Variants in UBR3 observed in about 807,000 individuals in gnomAD.
UBR3 encodes E3 ubiquitin-protein ligase UBR3.
A neutral mutation model predicts 243.2 loss-of-function variants in UBR3; 85 were observed. The observed-to-expected ratio is 0.35, with a 90% CI of 0.29 to 0.42. UBR3 has a LOEUF of 0.42. Ranked by LOEUF, UBR3 falls within the 10% of genes least tolerant of loss-of-function variation. The pLI, the probability that UBR3 is intolerant of heterozygous loss-of-function variation, is 1.00. For missense variants in UBR3, 1,686 were observed against 2,300.8 expected, an observed-to-expected ratio of 0.73 and a Z score of 5.47; for synonymous variants, 748 against 799.8, an observed-to-expected ratio of 0.94 and a Z score of 1.09.
chr2:170,059,869 A>G (rs1471645330), intron 33 of UBR3, among the ~76,000 whole-genome samples: 1 of 152,224 alleles, frequency 6.6e-6, no homozygotes, highest in Admixed American at 6.5e-5. Flanking sequence ...CAGTATTACC[A>G]AAATAAATTT....
At chr2:170,065,382 G>C (rs1187719706) in intron 35 of UBR3, among the ~76,000 whole-genome samples, 1 of 152,006 alleles carries the variant, frequency 6.6e-6, no homozygotes, top group African/African-American at 2.4e-5. Flanking sequence ...CACCTCCTGG[G>C]TTCAAGCAAT....
At chr2:169,918,979 G>A (rs1046968905) in intron 11 of UBR3, among the ~76,000 whole-genome samples, 4 of 152,260 alleles carry the variant, frequency 2.6e-5, no homozygotes, top group South Asian at 4.2e-4. Flanking sequence ...ATAAAAGGGA[G>A]CACCTGATTT....
At position 170,061,086 on chromosome 2, in the gene UBR3, G is replaced by A. The variant is rs1031267220; in HGVS notation, c.4793G>A (p.Cys1598Tyr). The A allele has an allele frequency of 1.3e-6, 2 of 1,566,664 alleles. No homozygotes were observed. The highest frequency in any genetic ancestry group is 2.8e-5 in the African/African-American group (2 of 72,126). ...KHAGALKKST[C>Y]DAEKSYEVLL... ...ATATTTTAATTTTTTCAGAGTACAT[G>A]TGATGCAGAAAAGTCTTACGAAGTA... Residue 1598 changes from cysteine (C) to tyrosine (Y), a missense_variant, in exon 34 of 39, where the codon TGT becomes TAT. Around this residue, in one of 8 missense-constraint regions of UBR3, gnomAD observed 371 missense variants for 422.5 expected, o/e 0.88. Transcript: ENST00000272793.
At chr2:170,014,265 C>T (rs1044569657) in intron 29 of UBR3, 1 of 153,844 alleles carries the variant, frequency 6.5e-6, no homozygotes, top group Non-Finnish European at 1.4e-5. Flanking sequence ...TCAGCCAAAT[C>T]AGTGCAAAAT....
chr2:169,848,401 G>A (rs2082555205), intron 1 of UBR3, among the ~76,000 whole-genome samples: 1 of 150,912 alleles, frequency 6.6e-6, no homozygotes, highest in African/African-American at 2.4e-5. Flanking sequence ...AGAAAAAGTG[G>A]TATTGCCTGG....
chr2:169,946,043 T>A (rs1345866386), intron 20 of UBR3, among the ~76,000 whole-genome samples: 2 of 141,370 alleles, frequency 1.4e-5, no homozygotes, highest in Non-Finnish European at 3.3e-5. Flanking sequence ...GATGGCCTTG[T>A]CATCAAGAGA....
intron 20 of UBR3, among the ~76,000 whole-genome samples, chr2:169,943,328 C>T (rs1010718117): frequency 2.6e-5 from 4 of 152,082 alleles, no homozygotes; most frequent in Admixed American, 2.0e-4. Context: ...GAAGGCTGGG[C>T]GCGGTGGCTC....
chr2:169,900,892 G>A (rs68017697), intron 8 of UBR3, among the ~76,000 whole-genome samples: 20,481 of 152,024 alleles, frequency 0.13, 1,948 homozygotes, highest in East Asian at 0.37. Flanking sequence ...TCCCAGAATA[G>A]CCTTAAGTTA....
chr2:169,906,221 A>G, intron 10 of UBR3, 57 bp downstream of exon 10: 1 of 1,500,224 alleles, frequency 6.7e-7, no homozygotes, highest in Non-Finnish European at 8.9e-7. Flanking sequence ...TTGTGAAAAT[A>G]TTGGTTTGTT....
chr2:169,914,872 G>GTGTT (rs1223231649), intron 11 of UBR3, among the ~76,000 whole-genome samples: 21 of 56,602 alleles, frequency 3.7e-4, no homozygotes, highest in African/African-American at 7.8e-4. Context: ...GTGTGTGTGT[G>GTGTT]TTTTTTTTCC....
intron 24 of UBR3, 56 bp from the exon 25 acceptor site, chr2:169,986,589 A>C (rs990097281): frequency 4.6e-6 from 7 of 1,535,836 alleles, no homozygotes; most frequent in Non-Finnish European, 6.2e-6. Context: ...TCACACTTTC[A>C]TTGAAGAGAG....
At chr2:169,907,676 C>G (rs1040533149) in intron 10 of UBR3, among the ~76,000 whole-genome samples, 1 of 152,294 alleles carries the variant, frequency 6.6e-6, no homozygotes, top group Non-Finnish European at 1.5e-5. Context: ...TCTCATCAAT[C>G]TACAGGATAA....
chr2:170,024,912 T>C (rs1018826450), intron 30 of UBR3, among the ~76,000 whole-genome samples: 4 of 152,124 alleles, frequency 2.6e-5, no homozygotes, highest in Non-Finnish European at 5.9e-5. Context: ...GGGAAGAAGA[T>C]GGTAGGAGCA....
intron 30 of UBR3, among the ~76,000 whole-genome samples, chr2:170,025,264 G>A (rs569301333): frequency 6.6e-6 from 1 of 152,270 alleles, no homozygotes; most frequent in African/African-American, 2.4e-5. Flanking sequence ...TTACAAGACT[G>A]TGTAAGAGAT....
chr2:169,963,875 A>G (rs529383722), intron 24 of UBR3, among the ~76,000 whole-genome samples: 8 of 152,280 alleles, frequency 5.3e-5, no homozygotes, highest in East Asian at 1.9e-4. Flanking sequence ...CAATATAACC[A>G]TCACCTTGTT....
chr2:170,024,310 C>A (rs538154059), intron 30 of UBR3, among the ~76,000 whole-genome samples: 1 of 135,384 alleles, frequency 7.4e-6, no homozygotes, highest in African/African-American at 2.9e-5. Flanking sequence ...GCTGAGATTG[C>A]GCCATTGTCC....
intron 13 of UBR3, among the ~76,000 whole-genome samples, chr2:169,925,024 T>C (rs75718072): frequency 0.044 from 6,634 of 152,156 alleles, 166 homozygotes; most frequent in Middle Eastern, 0.068. Context: ...CAGAGTGAGA[T>C]TCTGTTTCAA....
chr2:169,905,977 C>T (rs10171268), intron 9 of UBR3, 54 bp from the exon 10 acceptor site: 1,523,925 of 1,531,156 alleles, frequency 1, 758,645 homozygotes, highest in East Asian at 1. Flanking sequence ...TGATATTTAA[C>T]ATGAATGTGT....
At chr2:169,893,216 C>G (rs2084442316) in intron 6 of UBR3, among the ~76,000 whole-genome samples, 1 of 152,192 alleles carries the variant, frequency 6.6e-6, no homozygotes, top group Admixed American at 6.5e-5. Flanking sequence ...TTGAATTCTA[C>G]ATAACTGCAA....
Sources: allele counts gnomAD v4.1 joint callset (sites outside exome capture counted in the v4.1 genomes callset), GRCh38; gene constraint gnomAD v4.1.1; regional missense constraint gnomAD v4.1.1; transcripts MANE v1.5; gene names NCBI Gene and HGNC (gene_info 2026-07-23, HGNC 2026-07-21).